ARSF: variants seen among roughly 807,000 people sequenced by gnomAD.
The protein encoded by ARSF is arylsulfatase F.
ARSF carries 33 observed loss-of-function variants against 35.4 expected under a neutral mutation model. The observed-to-expected ratio is 0.93, with a 90% CI of 0.71 to 1.25. ARSF has a LOEUF of 1.25. Among genes scored for constraint, ARSF ranks in the 50% most tolerant of loss-of-function variants. The probability of loss-of-function intolerance (pLI) is 0.00; values close to 1 mark genes in which losing one functional copy is unlikely to be tolerated. For missense variants in ARSF, 501 were observed against 480.2 expected, an observed-to-expected ratio of 1.04 and a Z score of -0.40; for synonymous variants, 222 against 193.1, an observed-to-expected ratio of 1.15 and a Z score of -1.24.
chrX:3,080,432 C>T lies in ARSF; in HGVS notation c.284-459C>T, dbSNP rs2090191641. Among the ~76,000 whole-genome samples, 6 of 108,237 alleles carry T rather than the reference C, an allele frequency of 5.5e-5. No individual in the cohort carries two copies. In the South Asian group the frequency reaches 2.6e-3, roughly 46 times the overall value. 94.0% of individuals were successfully genotyped at this position (108,237 alleles called of 115,157 possible). On this transcript the variant is annotated intron_variant, in intron 4 of 10. Coordinates refer to ENST00000381127, the MANE Select transcript of ARSF (RefSeq NM_001201539.2). ...GAGGTTGCAGTGAGCTGAGATGGCA[C>T]TGCTGCACTCCAGCCTGGTGACAAA...
rs191881897 is a variant in ARSF at position 3,111,232 on chromosome X, T to G, written c.1391-942T>G. On this transcript the variant is annotated intron_variant, in intron 10 of 10. Transcript: ENST00000381127. ...ATAAGTGGTCATGGCTAAACTTTCA[T>G]TTATAAAAATCAATTCTAGGCAGAC... Among the ~76,000 whole-genome samples, 504 of 111,152 alleles carry G rather than the reference T, an allele frequency of 4.5e-3. 4 individuals are homozygous for G. The highest frequency in any genetic ancestry group is 0.016 in the African/African-American group (482 of 30,612).
At chrX:3,102,715 C>A (rs1963134786) in intron 8 of ARSF, among the ~76,000 whole-genome samples, 1 of 111,562 alleles carries the variant, frequency 9.0e-6, no homozygotes, top group African/African-American at 3.3e-5. Context: ...GAGATCGAGA[C>A]CATCTGGCCA....
rs776168720 is a variant in ARSF at position 3,112,281 on chromosome X, T to C, written c.1498T>C (p.Tyr500His). 26 of 1,211,084 alleles carry C rather than the reference T, an allele frequency of 2.1e-5. 2 individuals are homozygous for C. The South Asian group carries it at 3.3e-4, about 16-fold the overall frequency. The change falls in exon 11 of 11, where the codon TAC (tyrosine) becomes CAC (histidine). Residue 500 changes from tyrosine (Y) to histidine (H), a missense_variant. Tyr to His is a moderately conservative substitution (Grantham distance 83). Coordinates refer to ENST00000381127, the MANE Select transcript of ARSF (RefSeq NM_001201539.2). ...CAGATGTTTCGGAGAACAGGTTACC[T>C]ACCACAACCCCCCTCTGCTCTTCGA... ...LCRCFGEQVT[Y>H]HNPPLLFDLS... is the part of the protein sequence containing the mutation.
intron 2 of ARSF, among the ~76,000 whole-genome samples, chrX:3,068,388 A>G (rs781753031): frequency 9.0e-6 from 1 of 111,157 alleles, no homozygotes; most frequent in East Asian, 2.8e-4. Flanking sequence ...TAAATTTCCA[A>G]CAGATACATA....
chrX:3,103,705 A>G (rs1425299803), intron 8 of ARSF, 57 bp from the exon 9 acceptor site: 2 of 1,169,014 alleles, frequency 1.7e-6, no homozygotes, highest in African/African-American at 1.8e-5. Context: ...AATACATTCA[A>G]TACAGTGACT....
At chrX:3,092,083 CAGATAAGATAGGTGATTGAT>C (rs1210136514) in intron 7 of ARSF, among the ~76,000 whole-genome samples, 17 of 109,654 alleles carry the variant, frequency 1.6e-4, no homozygotes, top group African/African-American at 5.0e-4. Flanking sequence ...TGATAGATGA[CAGATAAGATAGGTGATTGAT>C]AGATAAGATA....
chrX:3,049,387 T>C (rs2089988126), intron 1 of ARSF, among the ~76,000 whole-genome samples: 1 of 111,378 alleles, frequency 9.0e-6, no homozygotes, highest in African/African-American at 3.3e-5. Context: ...GCCTGTTCAG[T>C]GAATCTGCAA....
In ARSF at chrX:3,084,495, T is replaced by C; in HGVS notation, c.659T>C (p.Phe220Ser). The change falls in exon 6 of 11, where the codon TTC (phenylalanine) becomes TCC (serine). Residue 220 changes from phenylalanine to serine, a missense_variant. Transcript: ENST00000381127. ...GWVSVPWLLI[F>S]SMILFIFLLG... ...GTCTCTGTTCCCTGGCTCCTGATCT[T>C]CTCCATGATTCTGTTTATTTTCCTC... 5 of 1,211,200 alleles carry C rather than the reference T, an allele frequency of 4.1e-6. No homozygotes were observed. Among genetic ancestry groups the C allele is most frequent in the Non-Finnish European group, 5.6e-6 (5 of 895,458 alleles).
chrX:3,089,606 ATGTGG>A lies in ARSF; in HGVS notation c.942_946del (p.Asn314LysfsTer12). On this transcript the variant is annotated frameshift_variant, in exon 7 of 11. Transcript: ENST00000381127. LOFTEE classifies it high-confidence loss of function. Reference sequence around the variant, plus strand: ...AGCAAGCATGGCTTGTATGGGGATAATGTGGAAGAGATGGACTCCATGGTGGGTAA... The same window carrying A: ...AGCAAGCATGGCTTGTATGGGGATAAAAGAGATGGACTCCATGGTGGGTAA... 1 of 1,211,126 alleles carries A rather than the reference ATGTGG, an allele frequency of 8.3e-7. No individual in the cohort carries two copies.
At chrX:3,077,715 AC>A (rs1215040638) in intron 4 of ARSF, among the ~76,000 whole-genome samples, 1 of 110,279 alleles carries the variant, frequency 9.1e-6, no homozygotes, top group African/African-American at 3.3e-5. Flanking sequence ...TTTTTGGACA[AC>A]TTTCATCACA....
At chrX:3,090,724 G>A (rs1051223091) in intron 7 of ARSF, among the ~76,000 whole-genome samples, 6 of 111,836 alleles carry the variant, frequency 5.4e-5, no homozygotes, top group African/African-American at 1.3e-4. Context: ...AATTTGCATA[G>A]GATAATGTCC....
At chrX:3,095,587 G>A (rs1399668524) in intron 7 of ARSF, among the ~76,000 whole-genome samples, 1 of 109,182 alleles carries the variant, frequency 9.2e-6, no homozygotes, top group Admixed American at 9.9e-5. Flanking sequence ...TCCAACATAG[G>A]TATGTTCACT....
chrX:3,088,876 C>G (rs1243120983), intron 6 of ARSF, among the ~76,000 whole-genome samples: 2 of 111,215 alleles, frequency 1.8e-5, no homozygotes, highest in African/African-American at 6.5e-5. Flanking sequence ...CCCATCCTTC[C>G]AAGGAGTTCT....
chrX:3,094,547 A>G (rs1220194366), intron 7 of ARSF, among the ~76,000 whole-genome samples: 1 of 112,386 alleles, frequency 8.9e-6, no homozygotes, highest in East Asian at 2.8e-4. Context: ...GCAAGAGTCC[A>G]TCAGCTTGGA....
At chrX:3,082,358 A>G (rs1263551772) in intron 5 of ARSF, among the ~76,000 whole-genome samples, 1 of 110,986 alleles carries the variant, frequency 9.0e-6, no homozygotes, top group East Asian at 2.9e-4. Flanking sequence ...ATCAACCCAT[A>G]TATCTCTATG....
At position 3,112,652 on chromosome X, in the gene ARSF, G is replaced by T; in HGVS notation, c.*96G>T. The T allele has an allele frequency of 1.9e-6, 2 of 1,077,663 alleles. No individual in the cohort carries two copies. The highest frequency in any genetic ancestry group is 2.4e-6 in the Non-Finnish European group (2 of 828,814). The allele number at this position is 1,077,663 out of a possible 1,213,427, so 88.8% of individuals were successfully genotyped here. ...GAAGCACTAACTTTGGTGCTTTCAA[G>T]TTGGCAAGGAGTGCATTTAATAGTC... On this transcript the variant is annotated 3_prime_UTR_variant, in exon 11 of 11. Coordinates refer to ENST00000381127, the MANE Select transcript of ARSF (RefSeq NM_001201539.2).
chrX:3,102,105 G>A (rs2090380412), intron 8 of ARSF, among the ~76,000 whole-genome samples: 1 of 111,077 alleles, frequency 9.0e-6, no homozygotes, highest in Admixed American at 9.6e-5. Flanking sequence ...CAAATCCTTA[G>A]TGGAAATTGT....
At chrX:3,066,697 A>G (rs556629053) in intron 1 of ARSF, 1 of 111,344 alleles carries the variant, frequency 9.0e-6, no homozygotes, top group South Asian at 3.8e-4. Context: ...CAGATTAGCA[A>G]CGGGAACCAT....
At chrX:3,052,509 A>G (rs2090000761) in intron 1 of ARSF, among the ~76,000 whole-genome samples, 1 of 111,054 alleles carries the variant, frequency 9.0e-6, no homozygotes, top group Non-Finnish European at 1.9e-5. Context: ...AAAAAGAAAC[A>G]GCTCAAATTA....
Sources: gnomAD v4.1 joint callset for allele counts (sites outside exome capture counted in the v4.1 genomes callset) on GRCh38, gnomAD v4.1.1 for gene constraint, MANE v1.5 for transcripts, NCBI Gene and HGNC (gene_info 2026-07-23, HGNC 2026-07-21) for gene names.